IPMK: variants seen among roughly 807,000 people sequenced by gnomAD.
IPMK encodes the protein inositol 1,3,4,6-tetrakisphosphate 5-kinase.
IPMK carries 17 observed loss-of-function variants against 45.8 expected under a neutral mutation model. That is an observed-to-expected ratio of 0.37 (90% CI 0.25 to 0.56). The LOEUF is 0.56. Among genes scored for constraint, IPMK ranks in the 20% least tolerant of loss-of-function variants. The pLI, the probability that IPMK is intolerant of heterozygous loss-of-function variation, is 0.79. For synonymous variants in IPMK, 180 were observed against 184.3 expected (o/e 0.98, Z 0.19); for missense variants, 399 against 498.0 (o/e 0.80, Z 1.89).
At chr10:58,215,640 G>A (rs1174491046) in intron 4 of IPMK, among the ~76,000 whole-genome samples, 1 of 152,000 alleles carries the variant, frequency 6.6e-6, no homozygotes, top group Non-Finnish European at 1.5e-5. Flanking sequence ...AAACTCCTGA[G>A]CTCAAGCAAT....
chr10:58,210,791 A>T (rs977938114), intron 4 of IPMK, among the ~76,000 whole-genome samples: 3 of 152,174 alleles, frequency 2.0e-5, no homozygotes, highest in Admixed American at 2.0e-4. Flanking sequence ...CACTTTGGGA[A>T]TTCACAGTTT....
chr10:58,229,482 G>A (rs1364411520), intron 2 of IPMK, among the ~76,000 whole-genome samples: 4 of 150,012 alleles, frequency 2.7e-5, no homozygotes, highest in African/African-American at 9.8e-5. Context: ...AGAATCACTT[G>A]AACCTGGGAG....
rs1837873204 is a variant in IPMK at position 58,195,142 on chromosome 10, C to A, written c.*934G>T. On this transcript the variant is annotated 3_prime_UTR_variant, in exon 6 of 6. Transcript: ENST00000373935. ...TTTTTAACAACATACATTTACACTA[C>A]CACTTAACTAAATGGGGACATATAA... 1 of 151,812 alleles carries A rather than the reference C, an allele frequency of 6.6e-6. No individual in the cohort carries two copies. The highest frequency in any genetic ancestry group is 1.5e-5 in the Non-Finnish European group (1 of 67,830). 9.4% of individuals were successfully genotyped at this position (151,812 alleles called of 1,614,324 possible). A position where few individuals can be genotyped will look rare whatever the true frequency, so the allele number is the denominator to read the frequency against.
At chr10:58,230,283 G>C (rs1838493255) in intron 2 of IPMK, among the ~76,000 whole-genome samples, 1 of 152,236 alleles carries the variant, frequency 6.6e-6, no homozygotes, top group South Asian at 2.1e-4. Flanking sequence ...CTGTCTGACA[G>C]TTCTGAAGAG....
chr10:58,255,647 C>CT (rs550508660), intron 1 of IPMK, among the ~76,000 whole-genome samples: 219 of 148,920 alleles, frequency 1.5e-3, no homozygotes, highest in African/African-American at 4.7e-3. Context: ...ATTTATATTT[C>CT]TTTTTTTTTT....
chr10:58,216,290 G>A lies in IPMK; in HGVS notation c.401C>T (p.Thr134Ile). ...NDLYLKLEDV[T>I]HKFNKPCIMD... ...TATACAGGGCTTATTAAATTTATGG[G>A]TCACATCTTCCAGTTTTAGGTATAA... The change falls in exon 4 of 6, where the codon ACC becomes ATC. Residue 134 changes from threonine (T) to isoleucine (I), a missense_variant. Thr to Ile is a moderately conservative substitution (Grantham distance 89). Coordinates refer to ENST00000373935, the MANE Select transcript of IPMK (RefSeq NM_152230.5). 6.4e-7 allele frequency: 1 copy of A among 1,562,298 alleles called. No individual in the cohort carries two copies.
intron 3 of IPMK, among the ~76,000 whole-genome samples, chr10:58,223,597 A>T (rs1838369617): frequency 6.6e-6 from 1 of 152,182 alleles, no homozygotes; most frequent in South Asian, 2.1e-4. Flanking sequence ...TGATTTCTAA[A>T]CCTCATAAAA....
chr10:58,237,328 C>G (rs952216685), intron 2 of IPMK, among the ~76,000 whole-genome samples: 1 of 152,186 alleles, frequency 6.6e-6, no homozygotes, highest in Non-Finnish European at 1.5e-5. Context: ...GAACCATTCT[C>G]TCCACTTCAG....
intron 4 of IPMK, among the ~76,000 whole-genome samples, chr10:58,203,017 G>A (rs1442670556): frequency 1.3e-5 from 2 of 152,152 alleles, no homozygotes; most frequent in Non-Finnish European, 2.9e-5. Flanking sequence ...TGATGGACTG[G>A]GGCAATGTAA....
At chr10:58,264,780 G>A (rs942273527) in intron 1 of IPMK, among the ~76,000 whole-genome samples, 1 of 152,118 alleles carries the variant, frequency 6.6e-6, no homozygotes, top group Admixed American at 6.6e-5. Context: ...AAAGAATAAA[G>A]TATACCGTAA....
intron 1 of IPMK, among the ~76,000 whole-genome samples, chr10:58,257,707 T>A (rs1384434201): frequency 6.6e-6 from 1 of 151,942 alleles, no homozygotes; most frequent in African/African-American, 2.4e-5. Context: ...ACAGATGAGT[T>A]AAAAGTGAAA....
intron 4 of IPMK, among the ~76,000 whole-genome samples, chr10:58,207,411 C>G (rs906625446): frequency 5.9e-5 from 9 of 152,184 alleles, no homozygotes; most frequent in Non-Finnish European, 1.0e-4. Flanking sequence ...ACTTCTTTTC[C>G]TTTGGGTACC....
chr10:58,239,200 A>G (rs979506174), intron 1 of IPMK, among the ~76,000 whole-genome samples: 1 of 152,192 alleles, frequency 6.6e-6, no homozygotes, highest in African/African-American at 2.4e-5. Flanking sequence ...AATAGAAGGT[A>G]GGTAAATATT....
At chr10:58,218,797 T>C (rs1012235406) in intron 3 of IPMK, among the ~76,000 whole-genome samples, 1 of 152,212 alleles carries the variant, frequency 6.6e-6, no homozygotes, top group Admixed American at 6.5e-5. Flanking sequence ...GCTTTGCAAC[T>C]CTGAAATAAA....
intron 1 of IPMK, among the ~76,000 whole-genome samples, chr10:58,243,919 T>C (rs1017467446): frequency 1.5e-5 from 2 of 136,090 alleles, no homozygotes; most frequent in African/African-American, 5.7e-5. Flanking sequence ...GTCTAGGAAG[T>C]GAGGAGCGTC....
chr10:58,236,879 G>A (rs1260504159), intron 2 of IPMK, among the ~76,000 whole-genome samples: 1 of 152,148 alleles, frequency 6.6e-6, no homozygotes, highest in Non-Finnish European at 1.5e-5. Context: ...AGACCAGCCT[G>A]GACAACAAAG....
chr10:58,258,391 T>C (rs1278548949), intron 1 of IPMK, among the ~76,000 whole-genome samples: 1 of 152,174 alleles, frequency 6.6e-6, no homozygotes, highest in Non-Finnish European at 1.5e-5. Context: ...AATTGACACC[T>C]GCAGAATGAA....
At chr10:58,207,007 C>A (rs1838080306) in intron 4 of IPMK, among the ~76,000 whole-genome samples, 1 of 151,732 alleles carries the variant, frequency 6.6e-6, no homozygotes. Context: ...ATCACATTTT[C>A]TTTTCTTGTT....
chr10:58,210,468 A>C (rs73292980), intron 4 of IPMK, among the ~76,000 whole-genome samples: 12,834 of 152,180 alleles, frequency 0.084, 786 homozygotes, highest in African/African-American at 0.17. Flanking sequence ...ATTCTGCTCA[A>C]GTAAGTTCGT....
Sources: allele counts gnomAD v4.1 joint callset (sites outside exome capture counted in the v4.1 genomes callset), GRCh38; gene constraint gnomAD v4.1.1; transcripts MANE v1.5; gene names NCBI Gene and HGNC (gene_info 2026-07-23, HGNC 2026-07-21).